The following CEP112 variants were observed in gnomAD, a reference collection of about 807,000 sequenced individuals.
The protein encoded by CEP112 is centrosomal protein of 112 kDa.
Under a neutral mutation model 153.0 loss-of-function variants are expected in CEP112, and 127 were observed. The observed-to-expected ratio is 0.83, with a 90% CI of 0.72 to 0.96. The LOEUF is 0.96. Ranked by LOEUF, CEP112 falls within the 40% of genes least tolerant of loss-of-function variation. CEP112 has a pLI of 0.00. For missense variants in CEP112, 1,089 were observed against 1,101.2 expected (o/e 0.99, Z 0.16); for synonymous variants, 358 against 374.4 (o/e 0.96, Z 0.51).
chr17:66,163,739 TTTA>T (rs1247119450), intron 4 of CEP112, among the ~76,000 whole-genome samples: 2 of 152,122 alleles, frequency 1.3e-5, no homozygotes, highest in Non-Finnish European at 2.9e-5. Context: ...TAAATCATTG[TTTA>T]TTAATATATC....
chr17:66,154,378 G>A (rs374641160), intron 4 of CEP112, among the ~76,000 whole-genome samples: 1 of 150,438 alleles, frequency 6.6e-6, no homozygotes, highest in African/African-American at 2.5e-5. Context: ...AGCTGGGTGT[G>A]GGGGGGGGAG....
intron 14 of CEP112, among the ~76,000 whole-genome samples, chr17:66,028,694 A>G (rs2065330797): frequency 6.6e-6 from 1 of 151,958 alleles, no homozygotes. Flanking sequence ...ATAATATTTA[A>G]TGTTATGGAA....
chr17:65,913,935 T>C lies in CEP112; in HGVS notation c.1981-11601A>G, dbSNP rs954348709. On this transcript the variant is annotated intron_variant, in intron 19 of 26. Coordinates refer to ENST00000535342, the MANE Select transcript of CEP112 (RefSeq NM_001199165.4). Reference sequence around the variant, plus strand: ...ATGAGTGACAATTATCCTGAGTTTTTAAAACTTTTTGAAAAATGAGCTATT... The same window carrying C: ...ATGAGTGACAATTATCCTGAGTTTTCAAAACTTTTTGAAAAATGAGCTATT... The C allele has an allele frequency of 1.9e-5, 18 of 930,636 alleles. No homozygotes were observed. The African/African-American group carries it at 3.0e-4, about 16-fold the overall frequency. 57.6% of individuals were successfully genotyped at this position (930,636 alleles called of 1,614,324 possible). A position where few individuals can be genotyped will look rare whatever the true frequency, so the allele number is the denominator to read the frequency against.
At chr17:65,669,971 T>C (rs2046900958) in intron 24 of CEP112, among the ~76,000 whole-genome samples, 2 of 151,884 alleles carry the variant, frequency 1.3e-5, no homozygotes, top group South Asian at 4.2e-4. Context: ...AAATTAACCT[T>C]GGGAATCTCT....
intron 4 of CEP112, among the ~76,000 whole-genome samples, chr17:66,170,375 T>C (rs963365633): frequency 2.0e-5 from 3 of 152,108 alleles, no homozygotes; most frequent in Non-Finnish European, 4.4e-5. Context: ...AACCAAACTA[T>C]ACATGCATGA....
At chr17:65,729,911 TCAAACAAA>T (rs67336747) in intron 23 of CEP112, among the ~76,000 whole-genome samples, 65,421 of 151,112 alleles carry the variant, frequency 0.43, 15,596 homozygotes, top group South Asian at 0.6. Flanking sequence ...AGATCCTGTC[TCAAACAAA>T]CAAACAAACA....
chr17:65,677,177 C>A (rs1303367971), intron 24 of CEP112, among the ~76,000 whole-genome samples: 2 of 152,170 alleles, frequency 1.3e-5, no homozygotes, highest in Non-Finnish European at 2.9e-5. Context: ...TTAGAATAAA[C>A]CTGTCTGTAA....
At chr17:65,810,761 T>G (rs543535764) in intron 21 of CEP112, among the ~76,000 whole-genome samples, 9 of 151,894 alleles carry the variant, frequency 5.9e-5, no homozygotes, top group Non-Finnish European at 1.0e-4. Flanking sequence ...ATAAGAGAAA[T>G]GGTGGATAAT....
intron 19 of CEP112, among the ~76,000 whole-genome samples, chr17:65,909,236 T>G (rs1417832964): frequency 1.3e-5 from 2 of 152,152 alleles, no homozygotes; most frequent in Admixed American, 6.6e-5. Context: ...CAAAATAATC[T>G]TGAAGGTAAT....
At chr17:66,084,314 T>C (rs1880250049) in intron 8 of CEP112, among the ~76,000 whole-genome samples, 1 of 152,164 alleles carries the variant, frequency 6.6e-6, no homozygotes, top group Non-Finnish European at 1.5e-5. Flanking sequence ...CCAAGGTATA[T>C]ACTCCAAAAA....
At chr17:65,645,387 C>G (rs1459732763) in intron 24 of CEP112, among the ~76,000 whole-genome samples, 2 of 152,074 alleles carry the variant, frequency 1.3e-5, no homozygotes, top group Non-Finnish European at 2.9e-5. Flanking sequence ...CGTTTTATAT[C>G]TATTTTATAT....
intron 21 of CEP112, among the ~76,000 whole-genome samples, chr17:65,790,065 A>G (rs2054506475): frequency 6.6e-6 from 1 of 152,196 alleles, no homozygotes; most frequent in African/African-American, 2.4e-5. Flanking sequence ...CTGTAGAAGA[A>G]GCTGGCAGCT....
intron 4 of CEP112, among the ~76,000 whole-genome samples, chr17:66,171,401 TAAC>T (rs1435236049): frequency 6.6e-6 from 1 of 152,198 alleles, no homozygotes; most frequent in Non-Finnish European, 1.5e-5. Context: ...CAGTTCTAAG[TAAC>T]AATAAATTAT....
intron 23 of CEP112, among the ~76,000 whole-genome samples, chr17:65,709,595 GGAGCTACAATTCAAGAT>G (rs1319622836): frequency 2.0e-5 from 3 of 152,210 alleles, no homozygotes; most frequent in Admixed American, 1.3e-4. Flanking sequence ...GGGAATTATA[GGAGCTACAATTCAAGAT>G]GAGATTTGGG....
intron 20 of CEP112, among the ~76,000 whole-genome samples, chr17:65,853,351 G>T (rs2058027421): frequency 6.6e-6 from 1 of 152,014 alleles, no homozygotes; most frequent in Non-Finnish European, 1.5e-5. Flanking sequence ...CTGTGGTGCT[G>T]TATTTTATAA....
chr17:66,145,715 T>C (rs1470538853), intron 4 of CEP112, among the ~76,000 whole-genome samples: 2 of 152,140 alleles, frequency 1.3e-5, no homozygotes, highest in Non-Finnish European at 2.9e-5. Context: ...CTGTCTTCAT[T>C]ACTACAGCTT....
chr17:65,829,280 T>C (rs751537188), intron 21 of CEP112, among the ~76,000 whole-genome samples: 5 of 152,232 alleles, frequency 3.3e-5, no homozygotes, highest in Non-Finnish European at 5.9e-5. Flanking sequence ...TCAACCACTT[T>C]CAATTTTTAA....
At chr17:65,946,582 C>G (rs1392839891) in intron 18 of CEP112, among the ~76,000 whole-genome samples, 4 of 152,148 alleles carry the variant, frequency 2.6e-5, no homozygotes, top group Non-Finnish European at 5.9e-5. Context: ...ACAGTATCCT[C>G]AATATCTGAT....
chr17:66,071,183 C>T (rs1388090931), intron 8 of CEP112, among the ~76,000 whole-genome samples: 1 of 151,900 alleles, frequency 6.6e-6, no homozygotes, highest in Non-Finnish European at 1.5e-5. Context: ...ACATATCAAA[C>T]TGAGATTTTA....
Sources: allele counts gnomAD v4.1 joint callset (sites outside exome capture counted in the v4.1 genomes callset), GRCh38; gene constraint gnomAD v4.1.1; transcripts MANE v1.5; gene names NCBI Gene and HGNC (gene_info 2026-07-23, HGNC 2026-07-21).